VPS4B: variants seen among roughly 807,000 people sequenced by gnomAD.
VPS4B encodes the protein vacuolar protein sorting 4 homolog B.
VPS4B carries 23 observed loss-of-function variants against 56.1 expected under a neutral mutation model. That is an observed-to-expected ratio of 0.41 (90% CI 0.30 to 0.58). The LOEUF is 0.58. VPS4B is among the 20% of genes least tolerant of loss of function. The pLI, the probability that VPS4B is intolerant of heterozygous loss-of-function variation, is 0.29. For missense variants in VPS4B, 372 were observed against 531.9 expected, an observed-to-expected ratio of 0.70 and a Z score of 2.96; for synonymous variants, 177 against 186.0, an observed-to-expected ratio of 0.95 and a Z score of 0.39.
At chr18:63,411,838 A>G (rs2144432936) in intron 1 of VPS4B, among the ~76,000 whole-genome samples, 1 of 152,378 alleles carries the variant, frequency 6.6e-6, no homozygotes, top group East Asian at 1.9e-4. Flanking sequence ...ATGTTACTTT[A>G]GTACCAATCG....
chr18:63,398,204 C>T (rs113380231), intron 8 of VPS4B, among the ~76,000 whole-genome samples: 2,784 of 112,362 alleles, frequency 0.025, 105 homozygotes, highest in African/African-American at 0.085. Flanking sequence ...CACACACACA[C>T]ATATATATAT....
chr18:63,393,929 GGGTT>G, intron 9 of VPS4B, among the ~76,000 whole-genome samples: 1 of 152,002 alleles, frequency 6.6e-6, no homozygotes, highest in East Asian at 1.9e-4. Flanking sequence ...AGGAGAGACG[GGGTT>G]TCACCATGTT....
chr18:63,405,355 T>C (rs1437898263), intron 4 of VPS4B, among the ~76,000 whole-genome samples: 1 of 152,048 alleles, frequency 6.6e-6, no homozygotes, highest in Non-Finnish European at 1.5e-5. Flanking sequence ...TTTTAACAAA[T>C]ATACACTTAA....
chr18:63,401,712 G>T (rs902411342), intron 5 of VPS4B, among the ~76,000 whole-genome samples: 1 of 152,180 alleles, frequency 6.6e-6, no homozygotes, highest in African/African-American at 2.4e-5. Flanking sequence ...AAAAACTATG[G>T]CTGGGCATGG....
chr18:63,400,837 CTAAGG>C, intron 5 of VPS4B, 134 bp from the exon 6 acceptor site: 1 of 892,746 alleles, frequency 1.1e-6, no homozygotes, highest in Non-Finnish European at 1.6e-6. Context: ...ATAAATCAAT[CTAAGG>C]TATGTCTTAA....
intron 9 of VPS4B, among the ~76,000 whole-genome samples, chr18:63,394,289 CT>C (rs1915621281): frequency 6.6e-6 from 1 of 152,188 alleles, no homozygotes; most frequent in Non-Finnish European, 1.5e-5. Flanking sequence ...TACTGAATCT[CT>C]TTCAACAAAA....
Position 63,422,231 on chromosome 18 carries a change from AC to A in VPS4B, c.27+1del. ...AGGGGGACGGGAGATGAGCAATGAT[AC>A]CTGGAGGTTGGGCGAAGTGGATGAC... On this transcript the variant is annotated splice_donor_variant, in intron 1 of 10. Coordinates refer to ENST00000238497, the MANE Select transcript of VPS4B (RefSeq NM_004869.4). LOFTEE classifies it high-confidence loss of function. The A allele has an allele frequency of 6.6e-7, 1 of 1,512,108 alleles. No homozygotes were observed. 93.7% of individuals were successfully genotyped at this position (1,512,108 alleles called of 1,614,324 possible). A position where few individuals can be genotyped will look rare whatever the true frequency, so the allele number is the denominator to read the frequency against.
chr18:63,418,282 T>C (rs1916213661), intron 1 of VPS4B, among the ~76,000 whole-genome samples: 1 of 152,238 alleles, frequency 6.6e-6, no homozygotes, highest in Admixed American at 6.5e-5. Flanking sequence ...CCCACAGCAA[T>C]GCTTTCTGCC....
At chr18:63,407,811 T>C (rs897192539) in intron 3 of VPS4B, among the ~76,000 whole-genome samples, 1 of 152,096 alleles carries the variant, frequency 6.6e-6, no homozygotes, top group African/African-American at 2.4e-5. Context: ...CCATGAAGGA[T>C]TCAAGATGAA....
At chr18:63,416,152 ATT>A (rs1179356548) in intron 1 of VPS4B, 1 of 167,846 alleles carries the variant, frequency 6.0e-6, no homozygotes, top group Non-Finnish European at 1.3e-5. Flanking sequence ...GTCTCATGTC[ATT>A]GATGTTGCTG....
intron 10 of VPS4B, among the ~76,000 whole-genome samples, chr18:63,392,843 CT>C (rs1476633786): frequency 6.6e-6 from 1 of 151,994 alleles, no homozygotes; most frequent in African/African-American, 2.4e-5. Flanking sequence ...CTCTGCCTCC[CT>C]GGTTCACGTG....
At chr18:63,403,653 C>T in intron 5 of VPS4B, 54 bp downstream of exon 5, 2 of 1,529,068 alleles carry the variant, frequency 1.3e-6, no homozygotes, top group Non-Finnish European at 8.9e-7. Context: ...TCACCTCAGT[C>T]ATCAATGAAC....
At chr18:63,417,501 T>C (rs1022200620) in intron 1 of VPS4B, among the ~76,000 whole-genome samples, 8 of 152,128 alleles carry the variant, frequency 5.3e-5, no homozygotes, top group Non-Finnish European at 1.0e-4. Flanking sequence ...GGCTCCTCCT[T>C]CTCAGCGTCC....
chr18:63,414,090 GA>G (rs1936523019), intron 1 of VPS4B, among the ~76,000 whole-genome samples: 1 of 152,148 alleles, frequency 6.6e-6, no homozygotes, highest in African/African-American at 2.4e-5. Context: ...CAGCCTGGGT[GA>G]CAGAGTGAGG....
intron 9 of VPS4B, among the ~76,000 whole-genome samples, chr18:63,395,770 C>T (rs1274321169): frequency 6.6e-6 from 1 of 152,190 alleles, no homozygotes; most frequent in Non-Finnish European, 1.5e-5. Flanking sequence ...AAGACCACAG[C>T]CTTCTTATAA....
rs768043383 is a variant in VPS4B, at chr18:63,390,979, C to T, written c.1331G>A (p.Gly444Asp). Reference protein sequence around the residue: ...KKFTEDFGQEG With the variant: ...KKFTEDFGQED Reference sequence around the variant, plus strand: ...AGCATCTTCCTTGTCTTTGGCTTAGCCTTCTTGACCAAAATCTTCTGTAAA... The same window carrying T: ...AGCATCTTCCTTGTCTTTGGCTTAGTCTTCTTGACCAAAATCTTCTGTAAA... Residue 444 changes from glycine (G) to aspartate (D), a missense_variant, in exon 11 of 11, where the codon GGC becomes GAC. Gly to Asp is a moderately conservative substitution (Grantham distance 94). Transcript: ENST00000238497. The T allele has an allele frequency of 6.2e-7, 1 of 1,605,320 alleles. No individual in the cohort carries two copies. The highest frequency in any genetic ancestry group is 8.5e-7 in the Non-Finnish European group (1 of 1,172,690).
intron 1 of VPS4B, among the ~76,000 whole-genome samples, chr18:63,412,333 G>T (rs1221205969): frequency 6.6e-6 from 1 of 152,098 alleles, no homozygotes; most frequent in Admixed American, 6.5e-5. Context: ...AAGCAGCACA[G>T]GAAAAAGATG....
chr18:63,404,147 T>TTA (rs1039728273), intron 4 of VPS4B, among the ~76,000 whole-genome samples: 1 of 152,050 alleles, frequency 6.6e-6, no homozygotes, highest in African/African-American at 2.4e-5. Context: ...ATAATGAATA[T>TTA]TAGAGTGTTT....
chr18:63,419,781 T>C (rs1307114792), intron 1 of VPS4B, among the ~76,000 whole-genome samples: 2 of 152,230 alleles, frequency 1.3e-5, no homozygotes, highest in African/African-American at 4.8e-5. Context: ...TTTAAAATTT[T>C]TGGACCCAGG....
Sources: gnomAD v4.1 joint callset for allele counts (sites outside exome capture counted in the v4.1 genomes callset) on GRCh38, gnomAD v4.1.1 for gene constraint, MANE v1.5 for transcripts, NCBI Gene and HGNC (gene_info 2026-07-23, HGNC 2026-07-21) for gene names.